The following IQGAP2 variants were observed in gnomAD, a reference collection of about 807,000 sequenced individuals.
IQGAP2 encodes the protein ras GTPase-activating-like protein IQGAP2.
IQGAP2 carries 173 observed loss-of-function variants against 201.3 expected under a neutral mutation model. The observed-to-expected ratio is 0.86, with a 90% CI of 0.76 to 0.98. IQGAP2 has a LOEUF of 0.98. Among genes scored for constraint, IQGAP2 ranks in the 50% least tolerant of loss-of-function variants. The pLI, the probability that IQGAP2 is intolerant of heterozygous loss-of-function variation, is 0.00. For missense variants in IQGAP2, 1,687 were observed against 1,864.8 expected, an observed-to-expected ratio of 0.90 and a Z score of 1.76; for synonymous variants, 675 against 673.9, an observed-to-expected ratio of 1.00 and a Z score of -0.03.
chr5:76,677,019 G>A, intron 27 of IQGAP2, 199 bp from the exon 28 acceptor site: 1 of 524,452 alleles, frequency 1.9e-6, no homozygotes, highest in Non-Finnish European at 3.4e-6. Context: ...TCCTGTTTGA[G>A]GAGCTGGGTC....
chr5:76,469,744 C>T (rs1755003560), intron 2 of IQGAP2, among the ~76,000 whole-genome samples: 1 of 151,898 alleles, frequency 6.6e-6, no homozygotes, highest in South Asian at 2.1e-4. Flanking sequence ...AAATATTAAA[C>T]AGGCTTTTTT....
intron 2 of IQGAP2, among the ~76,000 whole-genome samples, chr5:76,524,075 G>GCC (rs1758839471): frequency 1.3e-5 from 2 of 152,136 alleles, no homozygotes; most frequent in Admixed American, 1.3e-4. Flanking sequence ...TGAGATGTGT[G>GCC]CAAGCCTTGT....
chr5:76,556,057 C>T (rs1030985709), intron 2 of IQGAP2, among the ~76,000 whole-genome samples: 5 of 152,070 alleles, frequency 3.3e-5, no homozygotes, highest in African/African-American at 1.2e-4. Context: ...AGTTTAGGAG[C>T]AGAAGGTTAA....
intron 20 of IQGAP2, among the ~76,000 whole-genome samples, chr5:76,657,542 A>G (rs1201038098): frequency 6.6e-6 from 1 of 152,200 alleles, no homozygotes; most frequent in African/African-American, 2.4e-5. Context: ...GAAGACTGTC[A>G]AGGGCCTAGG....
chr5:76,697,808 T>C (rs1212982064), intron 32 of IQGAP2, among the ~76,000 whole-genome samples, 179 bp from the exon 33 acceptor site: 1 of 152,206 alleles, frequency 6.6e-6, no homozygotes, highest in Non-Finnish European at 1.5e-5. Context: ...TTTCCAGTTC[T>C]GAAGTAAAAA....
chr5:76,699,903 TTCTCTCTCTCTCTCTCTC>T lies in IQGAP2; in HGVS notation c.4368-1150_4368-1133del, dbSNP rs1186832045. On this transcript the variant is annotated intron_variant, in intron 33 of 35. Coordinates refer to ENST00000274364, the MANE Select transcript of IQGAP2 (RefSeq NM_006633.5). The stretch of plus-strand genomic sequence containing the variant: ...TCATTTGCTTCAGGCTTCTTTCTGT[TTCTCTCTCTCTCTCTCTC>T]TCTCTCTCTCTCTCTCTCTCTCACT... Among the ~76,000 whole-genome samples, 2 of 7,086 alleles carry T rather than the reference TTCTCTCTCTCTCTCTCTC, an allele frequency of 2.8e-4. 1 individual carries two copies. Among genetic ancestry groups the T allele is most frequent in the Admixed American group, 2.5e-3 (2 of 810 alleles). 4.6% of individuals were successfully genotyped at this position (7,086 alleles called of 152,430 possible).
chr5:76,619,717 A>G (rs1875503), intron 13 of IQGAP2, among the ~76,000 whole-genome samples: 54,260 of 151,574 alleles, frequency 0.36, 11,078 homozygotes, highest in Non-Finnish European at 0.48. Context: ...ACAGGGTTTC[A>G]CCATGTTAGC....
intron 13 of IQGAP2, among the ~76,000 whole-genome samples, chr5:76,613,737 C>T (rs1561510415): frequency 6.6e-6 from 1 of 151,746 alleles, no homozygotes; most frequent in Non-Finnish European, 1.5e-5. Flanking sequence ...CTCAGTTACC[C>T]AGGCTGGAGT....
intron 2 of IQGAP2, among the ~76,000 whole-genome samples, chr5:76,561,570 G>A (rs1483766411): frequency 6.6e-6 from 1 of 152,150 alleles, no homozygotes; most frequent in Non-Finnish European, 1.5e-5. Context: ...TGCACACCGG[G>A]TTCTTGAATC....
intron 1 of IQGAP2, among the ~76,000 whole-genome samples, chr5:76,431,399 G>A (rs1284110660): frequency 1.3e-5 from 2 of 152,092 alleles, no homozygotes; most frequent in Admixed American, 1.3e-4. Flanking sequence ...TCCTGGGACT[G>A]TTACTGAACT....
intron 30 of IQGAP2, chr5:76,691,450 A>T (rs1378030327): frequency 1.3e-5 from 2 of 152,246 alleles, no homozygotes; most frequent in Admixed American, 6.5e-5. Flanking sequence ...TTTTTAAATC[A>T]TCCAAAGCTT....
At chr5:76,652,884 C>A (rs1433277147) in intron 18 of IQGAP2, 51 bp downstream of exon 18, 1 of 1,167,032 alleles carries the variant, frequency 8.6e-7, no homozygotes, top group Non-Finnish European at 1.3e-6. Flanking sequence ...CGTTTCCCCT[C>A]ATTTCATGTT....
rs1040842680 is a variant in IQGAP2, at chr5:76,631,840, T to C, written c.1613-19T>C. 15 of 1,523,066 alleles carry C rather than the reference T, an allele frequency of 9.8e-6. No homozygotes were observed. The highest frequency in any genetic ancestry group is 1.2e-5 in the Non-Finnish European group (14 of 1,129,742). 94.3% of individuals were successfully genotyped at this position (1,523,066 alleles called of 1,614,324 possible). On this transcript the variant is annotated intron_variant, in intron 14 of 35. Transcript: ENST00000274364. ...TGGAAGATAACCATTAACAAGAAAC[T>C]TTTTTTTCAATTACCCAGGGGTTAC... is the stretch of plus-strand genomic sequence containing the variant.
At chr5:76,419,943 C>A (rs1751637038) in intron 1 of IQGAP2, among the ~76,000 whole-genome samples, 1 of 152,198 alleles carries the variant, frequency 6.6e-6, no homozygotes. Context: ...ACTATGATTT[C>A]CCCTGCTATG....
At chr5:76,633,895 A>C (rs1750907336) in intron 15 of IQGAP2, among the ~76,000 whole-genome samples, 1 of 152,150 alleles carries the variant, frequency 6.6e-6, no homozygotes, top group South Asian at 2.1e-4. Context: ...CATTGTATGA[A>C]TATGCCACAT....
intron 13 of IQGAP2, among the ~76,000 whole-genome samples, chr5:76,618,983 G>C (rs2150358355): frequency 6.6e-6 from 1 of 152,302 alleles, no homozygotes; most frequent in Middle Eastern, 3.4e-3. Context: ...TCAGATGTTT[G>C]AGCAAAATGT....
chr5:76,594,919 T>C (rs2005247), intron 9 of IQGAP2, among the ~76,000 whole-genome samples: 25,624 of 151,570 alleles, frequency 0.17, 2,333 homozygotes, highest in Admixed American at 0.29. Flanking sequence ...TGAGCTGAGA[T>C]TGCGCCACTA....
chr5:76,463,214 A>G (rs1406383144), intron 2 of IQGAP2, among the ~76,000 whole-genome samples: 1 of 152,102 alleles, frequency 6.6e-6, no homozygotes, highest in Non-Finnish European at 1.5e-5. Flanking sequence ...ATAGTAGAAA[A>G]ACTTACTTTT....
chr5:76,610,760 T>C (rs1748326591), intron 12 of IQGAP2, among the ~76,000 whole-genome samples: 1 of 152,162 alleles, frequency 6.6e-6, no homozygotes, highest in South Asian at 2.1e-4. Flanking sequence ...ACATGTCTTA[T>C]GTTTCTTTCA....
Sources: allele counts gnomAD v4.1 joint callset (sites outside exome capture counted in the v4.1 genomes callset), GRCh38; gene constraint gnomAD v4.1.1; transcripts MANE v1.5; gene names NCBI Gene and HGNC (gene_info 2026-07-23, HGNC 2026-07-21).